The following CDH12 variants were observed in gnomAD, a reference collection of about 807,000 sequenced individuals.
CDH12 encodes cadherin-12.
In CDH12, 41 loss-of-function variants were observed where a neutral mutation model predicts 74.1. The observed-to-expected ratio is 0.55, with a 90% CI of 0.43 to 0.72. The LOEUF (loss-of-function observed/expected upper bound fraction) is 0.72. Ranked by LOEUF, CDH12 falls within the 30% of genes least tolerant of loss-of-function variation. CDH12 has a pLI of 0.00. For missense variants in CDH12, 945 were observed against 977.2 expected (o/e 0.97, Z 0.44); for synonymous variants, 399 against 355.0 (o/e 1.12, Z -1.39).
intron 6 of CDH12, among the ~76,000 whole-genome samples, chr5:21,864,543 T>C (rs1751226111): frequency 6.6e-6 from 1 of 152,176 alleles, no homozygotes; most frequent in African/African-American, 2.4e-5. Context: ...CCTCCAGAAC[T>C]ATAGGTCAAA....
rs369349721 is a variant in CDH12 at position 22,343,840 on chromosome 5, A to G, written c.-333+61417T>C. On this transcript the variant is annotated intron_variant, in intron 3 of 14. Coordinates refer to ENST00000382254, the MANE Select transcript of CDH12 (RefSeq NM_004061.5). ...TGCAATATTTCAGGAATATCCAGCA[A>G]CAGCAAATTCTCTCTTAGCACAACT... 1.1e-3 allele frequency among the ~76,000 whole-genome samples: 163 copies of G among 152,352 alleles called. 4 individuals carry two copies. In the South Asian group the frequency reaches 0.031, roughly 29 times the overall value.
chr5:22,076,657 C>A lies in CDH12; in HGVS notation c.231+1789G>T, dbSNP rs567241003. On this transcript the variant is annotated intron_variant, in intron 5 of 14. Transcript: ENST00000382254. The stretch of plus-strand genomic sequence containing the variant: ...GTATAGGAGAACCACATGAAATTAT[C>A]TTACCATAGAAATGTTAGTGATTGT... 2.1e-4 allele frequency among the ~76,000 whole-genome samples: 32 copies of A among 152,240 alleles called. No individual in the cohort carries two copies. In the South Asian group the frequency reaches 5.8e-3, roughly 28 times the overall value.
rs113435431 is a variant in CDH12, at chr5:22,314,707, A to G, written c.-333+90550T>C. 3.9e-3 allele frequency among the ~76,000 whole-genome samples: 589 copies of G among 152,246 alleles called. 2 individuals are homozygous for G. The highest frequency in any genetic ancestry group is 0.013 in the African/African-American group (559 of 41,560). The stretch of plus-strand genomic sequence containing the variant: ...AGGTAAAGGCTGGGAAGAAGAACCA[A>G]CGTTTGTCAGAAGGATTGTAAAGTT... On this transcript the variant is annotated intron_variant, in intron 3 of 14. Transcript: ENST00000382254.
chr5:22,799,952 T>A (rs1277993549), intron 1 of CDH12, among the ~76,000 whole-genome samples: 11 of 152,146 alleles, frequency 7.2e-5, no homozygotes, highest in Admixed American at 7.2e-4. Context: ...AAAATCTGAA[T>A]GTAAATGGAG....
chr5:22,712,661 G>T (rs1743348443), intron 1 of CDH12, among the ~76,000 whole-genome samples: 2 of 151,784 alleles, frequency 1.3e-5, no homozygotes. Context: ...ATTATTTTTT[G>T]TCCTTACAAC....
intron 3 of CDH12, among the ~76,000 whole-genome samples, chr5:22,385,199 A>AC (rs1741947939): frequency 6.6e-6 from 1 of 152,190 alleles, no homozygotes; most frequent in Admixed American, 6.5e-5. Flanking sequence ...AGTAAGAAAA[A>AC]TATATAGATA....
intron 3 of CDH12, among the ~76,000 whole-genome samples, chr5:22,370,705 A>G (rs1741250690): frequency 6.6e-6 from 1 of 152,190 alleles, no homozygotes. Flanking sequence ...AAATAGGACC[A>G]AGTTCAGTAG....
At chr5:22,164,399 C>A (rs1156802398) in intron 4 of CDH12, among the ~76,000 whole-genome samples, 1 of 152,150 alleles carries the variant, frequency 6.6e-6, no homozygotes, top group Non-Finnish European at 1.5e-5. Context: ...CGATGGGGAG[C>A]GACAGTGGGC....
At chr5:22,172,895 T>G (rs1275206911) in intron 4 of CDH12, among the ~76,000 whole-genome samples, 1 of 150,084 alleles carries the variant, frequency 6.7e-6, no homozygotes, top group Non-Finnish European at 1.5e-5. Context: ...CTGAATTTTC[T>G]CCTAATTTTG....
At chr5:22,401,831 T>C (rs1338220921) in intron 3 of CDH12, among the ~76,000 whole-genome samples, 1 of 152,052 alleles carries the variant, frequency 6.6e-6, no homozygotes, top group Non-Finnish European at 1.5e-5. Flanking sequence ...TGGGAAGACA[T>C]ACAGAGACAC....
Position 22,225,470 on chromosome 5 carries a change from A to C in CDH12, c.-332-12827T>G, listed in dbSNP as rs546928303. Among the ~76,000 whole-genome samples, 3 of 152,232 alleles carry C rather than the reference A, an allele frequency of 2.0e-5. No individual in the cohort carries two copies. In the South Asian group the frequency reaches 6.2e-4, roughly 31 times the overall value. On this transcript the variant is annotated intron_variant, in intron 3 of 14. Coordinates refer to ENST00000382254, the MANE Select transcript of CDH12 (RefSeq NM_004061.5). ...GAAATGACATTAAAAATCACAAAAA[A>C]TGGTTAGAACTTTGCCACAAGCTTT...
At chr5:22,554,620 C>G (rs2126739006) in intron 1 of CDH12, among the ~76,000 whole-genome samples, 1 of 152,098 alleles carries the variant, frequency 6.6e-6, no homozygotes, top group South Asian at 2.1e-4. Context: ...GTGGACATCC[C>G]ATTAAATGCA....
intron 1 of CDH12, among the ~76,000 whole-genome samples, chr5:22,640,552 T>C (rs1346790697): frequency 1.3e-5 from 2 of 152,198 alleles, no homozygotes; most frequent in Non-Finnish European, 2.9e-5. Flanking sequence ...TTCATATAAT[T>C]TAACATCTAA....
chr5:22,603,717 A>G (rs1736960200), intron 1 of CDH12, among the ~76,000 whole-genome samples: 1 of 152,226 alleles, frequency 6.6e-6, no homozygotes, highest in African/African-American at 2.4e-5. Context: ...GTGGTTTACG[A>G]CAGGACTTCA....
intron 3 of CDH12, among the ~76,000 whole-genome samples, chr5:22,339,443 C>T (rs977874637): frequency 3.3e-5 from 5 of 152,154 alleles, no homozygotes; most frequent in African/African-American, 1.2e-4. Flanking sequence ...GTTAGCTATA[C>T]TTATAAATAT....
At chr5:21,902,693 G>A (rs181560183) in intron 6 of CDH12, among the ~76,000 whole-genome samples, 4 of 152,140 alleles carry the variant, frequency 2.6e-5, no homozygotes, top group Admixed American at 2.6e-4. Context: ...ACCACATGTG[G>A]CTATTTATCA....
chr5:22,070,490 T>C (rs1741867301), intron 5 of CDH12, among the ~76,000 whole-genome samples: 1 of 152,140 alleles, frequency 6.6e-6, no homozygotes, highest in Non-Finnish European at 1.5e-5. Context: ...TAGCCTCTAT[T>C]ATGTGGGTGG....
chr5:22,561,195 A>C (rs1739031704), intron 1 of CDH12, among the ~76,000 whole-genome samples: 1 of 152,134 alleles, frequency 6.6e-6, no homozygotes, highest in African/African-American at 2.4e-5. Flanking sequence ...AAGCTGTCAT[A>C]TTTGGAGACA....
intron 3 of CDH12, among the ~76,000 whole-genome samples, chr5:22,374,701 A>G (rs112928755): frequency 4.6e-5 from 7 of 152,118 alleles, no homozygotes; most frequent in African/African-American, 1.4e-4. Context: ...AGGCAATATC[A>G]TTAACAATAA....
Sources: allele counts gnomAD v4.1 joint callset (sites outside exome capture counted in the v4.1 genomes callset), GRCh38; gene constraint gnomAD v4.1.1; transcripts MANE v1.5; gene names NCBI Gene and HGNC (gene_info 2026-07-23, HGNC 2026-07-21).